The following PTPRD variants were observed in gnomAD, a reference collection of about 807,000 sequenced individuals.
PTPRD encodes the protein protein tyrosine phosphatase receptor type D, also known as receptor-type tyrosine-protein phosphatase delta.
A neutral mutation model predicts 214.5 loss-of-function variants in PTPRD; 34 were observed. That is an observed-to-expected ratio of 0.16 (90% CI 0.12 to 0.21). PTPRD has a LOEUF of 0.21. Ranked by LOEUF, PTPRD falls within the 10% of genes least tolerant of loss-of-function variation. The probability of loss-of-function intolerance (pLI) is 1.00; values close to 1 mark genes in which losing one functional copy is unlikely to be tolerated. For missense variants in PTPRD, 2,545 were observed against 2,398.7 expected (o/e 1.06, Z -1.27); for synonymous variants, 1,128 against 845.7 (o/e 1.33, Z -5.79).
intron 9 of PTPRD, among the ~76,000 whole-genome samples, chr9:9,384,813 C>T (rs1223449394): frequency 6.6e-6 from 1 of 151,782 alleles, no homozygotes; most frequent in Non-Finnish European, 1.5e-5. Flanking sequence ...AGTGATATTT[C>T]TATTTGGTGA....
chr9:9,955,265 C>T (rs1398745710), intron 4 of PTPRD, among the ~76,000 whole-genome samples: 4 of 152,030 alleles, frequency 2.6e-5, no homozygotes, highest in East Asian at 3.9e-4. Context: ...GAGTACTAAA[C>T]GGTGAAAGTG....
intron 12 of PTPRD, among the ~76,000 whole-genome samples, chr9:8,672,430 C>T (rs1022785747): frequency 3.3e-5 from 5 of 152,078 alleles, no homozygotes; most frequent in Admixed American, 6.5e-5. Flanking sequence ...TCATTTCAGA[C>T]CTTCAACTTT....
At chr9:10,384,508 A>T (rs1355879782) in intron 2 of PTPRD, among the ~76,000 whole-genome samples, 2 of 151,778 alleles carry the variant, frequency 1.3e-5, no homozygotes, top group African/African-American at 2.4e-5. Context: ...TTGAAGTACA[A>T]TTGGAAGGAA....
chr9:8,755,850 C>A (rs961028753), intron 11 of PTPRD, among the ~76,000 whole-genome samples: 3 of 152,090 alleles, frequency 2.0e-5, no homozygotes, highest in African/African-American at 7.2e-5. Context: ...ATGACCAGCC[C>A]AAAGCACTGA....
At chr9:10,201,749 C>T (rs1476313705) in intron 3 of PTPRD, among the ~76,000 whole-genome samples, 1 of 151,992 alleles carries the variant, frequency 6.6e-6, no homozygotes, top group Non-Finnish European at 1.5e-5. Flanking sequence ...ATGTAAGCAT[C>T]ACATTGTATC....
intron 5 of PTPRD, among the ~76,000 whole-genome samples, chr9:9,770,792 T>C (rs565734146): frequency 1.3e-5 from 2 of 152,238 alleles, no homozygotes; most frequent in South Asian, 4.1e-4. Flanking sequence ...TAATTACAGA[T>C]GGATTTCTAG....
At chr9:9,746,451 C>T (rs1238378195) in intron 6 of PTPRD, among the ~76,000 whole-genome samples, 22 of 152,134 alleles carry the variant, frequency 1.4e-4, no homozygotes, top group Admixed American at 1.4e-3. Context: ...TGAGGAACCA[C>T]CTCTTCAGTA....
chr9:8,914,529 G>C (rs1260785229), intron 11 of PTPRD, among the ~76,000 whole-genome samples: 1 of 152,018 alleles, frequency 6.6e-6, no homozygotes, highest in Admixed American at 6.6e-5. Flanking sequence ...AGTGATAGGG[G>C]TCGAGATAAA....
rs533448158 is a variant in PTPRD, at chr9:8,871,175, T to C, written c.-103-137229A>G. On this transcript the variant is annotated intron_variant, in intron 11 of 45. Coordinates refer to ENST00000381196, the MANE Select transcript of PTPRD (RefSeq NM_002839.4). Reference sequence around the variant, plus strand: ...ATTCTTTTTAAAAGCCCTGGGCATATGTTCAAAACATACAACCAAAACAAA... The same window carrying C: ...ATTCTTTTTAAAAGCCCTGGGCATACGTTCAAAACATACAACCAAAACAAA... 1.4e-4 allele frequency among the ~76,000 whole-genome samples: 21 copies of C among 152,330 alleles called. 1 individual carries two copies. The East Asian group carries it at 4.1e-3, about 29-fold the overall frequency.
intron 8 of PTPRD, among the ~76,000 whole-genome samples, chr9:9,514,731 T>G (rs193266405): frequency 4.6e-5 from 7 of 152,166 alleles, no homozygotes; most frequent in Admixed American, 3.3e-4. Flanking sequence ...ACTGGTAAGT[T>G]TCCTTGAGGA....
chr9:10,226,026 C>T (rs942429686), intron 3 of PTPRD, among the ~76,000 whole-genome samples: 1 of 152,004 alleles, frequency 6.6e-6, no homozygotes, highest in Non-Finnish European at 1.5e-5. Flanking sequence ...GCATAATTTC[C>T]ATTCAAGGCC....
intron 8 of PTPRD, among the ~76,000 whole-genome samples, chr9:9,403,283 T>C (rs1235772610): frequency 1.9e-5 from 1 of 51,790 alleles, no homozygotes; most frequent in Non-Finnish European, 3.3e-5. Context: ...AGAGGAATAC[T>C]CTGTCTCAAA....
At chr9:8,492,826 A>T (rs2136296205) in intron 27 of PTPRD, 36 bp downstream of exon 27, 3 of 1,482,904 alleles carry the variant, frequency 2.0e-6, no homozygotes, top group Non-Finnish European at 2.8e-6. Flanking sequence ...AGTTAGTATT[A>T]CTGTTCAAGG....
At chr9:9,908,841 A>G (rs2078369524) in intron 5 of PTPRD, among the ~76,000 whole-genome samples, 1 of 151,996 alleles carries the variant, frequency 6.6e-6, no homozygotes, top group South Asian at 2.1e-4. Context: ...GTCTAAGAAT[A>G]AAAATATTAT....
At chr9:8,491,665 A>T (rs1183619803) in intron 27 of PTPRD, among the ~76,000 whole-genome samples, 1 of 151,526 alleles carries the variant, frequency 6.6e-6, no homozygotes, top group Non-Finnish European at 1.5e-5. Context: ...ATTTAAAAAA[A>T]AAAAAAAAAA....
chr9:10,503,200 A>AAAAAAAC (rs1555437148), intron 2 of PTPRD, among the ~76,000 whole-genome samples: 16 of 122,094 alleles, frequency 1.3e-4, no homozygotes, highest in South Asian at 2.3e-4. Flanking sequence ...ATACAAAAAA[A>AAAAAAAC]AAAAAAACAA....
Position 8,761,841 on chromosome 9 carries a change from T to C in PTPRD, c.-103-27895A>G, listed in dbSNP as rs56144341. On this transcript the variant is annotated intron_variant, in intron 11 of 45. Coordinates refer to ENST00000381196, the MANE Select transcript of PTPRD (RefSeq NM_002839.4). ...CAGTAGTGGAAGAAGGAAGATGAGA[T>C]TACAGTTTTAGTTTTAAATATATTT... 3.9e-3 allele frequency among the ~76,000 whole-genome samples: 598 copies of C among 152,232 alleles called. 4 individuals are homozygous for C. The highest frequency in any genetic ancestry group is 0.013 in the African/African-American group (547 of 41,544).
At chr9:10,036,517 C>T (rs1265118337) in intron 3 of PTPRD, among the ~76,000 whole-genome samples, 2 of 142,814 alleles carry the variant, frequency 1.4e-5, no homozygotes, top group East Asian at 5.2e-4. Context: ...CACACACACA[C>T]ACACACACAC....
chr9:9,806,503 C>G (rs957261061), intron 5 of PTPRD, among the ~76,000 whole-genome samples: 1 of 152,040 alleles, frequency 6.6e-6, no homozygotes, highest in Middle Eastern at 3.2e-3. Context: ...TAACATTCTC[C>G]CAGCCCTTGA....
Sources: allele counts gnomAD v4.1 joint callset (sites outside exome capture counted in the v4.1 genomes callset), GRCh38; gene constraint gnomAD v4.1.1; transcripts MANE v1.5; gene names NCBI Gene and HGNC (gene_info 2026-07-23, HGNC 2026-07-21).